ST14: variants seen among roughly 807,000 people sequenced by gnomAD.
ST14 encodes ST14 transmembrane serine protease matriptase, also known as suppressor of tumorigenicity 14 protein.
Under a neutral mutation model 96.5 loss-of-function variants are expected in ST14, and 40 were observed. The observed-to-expected ratio is 0.41, with a 90% CI of 0.32 to 0.54. The LOEUF (loss-of-function observed/expected upper bound fraction) is 0.54, where lower values mean the gene tolerates loss of function less well. Ranked by LOEUF, ST14 falls within the 20% of genes least tolerant of loss-of-function variation. ST14 has a pLI of 0.17. For synonymous variants in ST14, 506 were observed against 492.1 expected, an observed-to-expected ratio of 1.03 and a Z score of -0.37; for missense variants, 1,066 against 1,188.9, an observed-to-expected ratio of 0.90 and a Z score of 1.52.
chr11:130,191,338 C>A (rs914503017), intron 7 of ST14, among the ~76,000 whole-genome samples: 6 of 151,452 alleles, frequency 4.0e-5, no homozygotes, highest in African/African-American at 1.5e-4. Flanking sequence ...CCTCAGGCCA[C>A]ATGAGGAAAC....
intron 7 of ST14, among the ~76,000 whole-genome samples, chr11:130,191,748 A>G (rs916617973): frequency 1.3e-5 from 2 of 151,618 alleles, no homozygotes; most frequent in African/African-American, 4.8e-5. Flanking sequence ...GGCAAGACAA[A>G]TCAGGGTGAG....
intron 1 of ST14, among the ~76,000 whole-genome samples, chr11:130,171,569 T>C (rs1465907844): frequency 6.6e-6 from 1 of 152,330 alleles, no homozygotes; most frequent in East Asian, 1.9e-4. Context: ...TTCTGCAATA[T>C]TGGGGGGGTC....
At chr11:130,185,039 G>A (rs989842517) in intron 1 of ST14, among the ~76,000 whole-genome samples, 28 of 152,196 alleles carry the variant, frequency 1.8e-4, no homozygotes, top group African/African-American at 4.8e-4. Context: ...CCAAACAGCC[G>A]CCAGGAGCTT....
At position 130,188,568 on chromosome 11, in the gene ST14, A is replaced by G; in HGVS notation, c.280A>G (p.Met94Val). The G allele has an allele frequency of 1.2e-6, 2 of 1,614,232 alleles. No homozygotes were observed. The highest frequency in any genetic ancestry group is 3.3e-4 in the Middle Eastern group (2 of 6,062). The change falls in exon 3 of 19, where the codon ATG becomes GTG. Residue 94 changes from methionine (M) to valine (V), a missense_variant. Transcript: ENST00000278742. The surrounding 1 kb of genome is among the most constrained non-coding windows in gnomAD (Gnocchi z 5.4). ...TGTCCAGAAGGTCTTCAATGGCTACATGAGGATCACAAATGAGAATTTTGT... is the reference window on the plus strand; with the variant it reads ...TGTCCAGAAGGTCTTCAATGGCTACGTGAGGATCACAAATGAGAATTTTGT... ...VRVQKVFNGY[M>V]RITNENFVDA...
At chr11:130,176,745 A>G (rs538129026) in intron 1 of ST14, among the ~76,000 whole-genome samples, 1 of 142,704 alleles carries the variant, frequency 7.0e-6, no homozygotes, top group South Asian at 2.2e-4. Flanking sequence ...TCTGTGAGAT[A>G]CTTTGCATTA....
intron 16 of ST14, among the ~76,000 whole-genome samples, chr11:130,207,576 A>AAT (rs1190816548): frequency 2.6e-5 from 4 of 152,072 alleles, no homozygotes; most frequent in Non-Finnish European, 5.9e-5. Flanking sequence ...AATAAAATAA[A>AAT]AACCATGAAC....
chr11:130,173,819 C>T (rs1175490357), intron 1 of ST14, among the ~76,000 whole-genome samples: 1 of 152,054 alleles, frequency 6.6e-6, no homozygotes, highest in Non-Finnish European at 1.5e-5. Context: ...ACCCCTCTGT[C>T]CACTTTCTCT....
At chr11:130,207,127 T>G (rs1953497797) in intron 16 of ST14, among the ~76,000 whole-genome samples, 1 of 152,194 alleles carries the variant, frequency 6.6e-6, no homozygotes. Context: ...GCTTTATGCT[T>G]CCCATTAAGC....
chr11:130,182,652 CTTT>C (rs766643910), intron 1 of ST14, among the ~76,000 whole-genome samples: 1 of 137,376 alleles, frequency 7.3e-6, no homozygotes. Flanking sequence ...TGTTAAATAT[CTTT>C]TTTTTTTTTT....
intron 16 of ST14, among the ~76,000 whole-genome samples, chr11:130,204,689 G>A (rs1953468747): frequency 6.6e-6 from 1 of 151,632 alleles, no homozygotes. Context: ...GCATGCACCT[G>A]CACTCCCAGC....
At chr11:130,204,380 G>A in intron 16 of ST14, among the ~76,000 whole-genome samples, 1 of 152,184 alleles carries the variant, frequency 6.6e-6, no homozygotes, top group East Asian at 1.9e-4. Context: ...GGGACGCAAA[G>A]GATCTCACAA....
chr11:130,196,191 A>C (rs1036848531), intron 9 of ST14, 148 bp from the exon 10 acceptor site: 6 of 701,848 alleles, frequency 8.5e-6, no homozygotes, highest in Non-Finnish European at 1.5e-5. Flanking sequence ...ACAAACAAAC[A>C]AACACGCTGG....
intron 16 of ST14, among the ~76,000 whole-genome samples, chr11:130,201,810 T>A (rs141413294): frequency 6.6e-6 from 1 of 152,378 alleles, no homozygotes; most frequent in African/African-American, 2.4e-5. Context: ...CCTCCTAGGC[T>A]GAAGTGATCC....
Position 130,189,734 on chromosome 11 carries a change from C to T in ST14, c.441-5C>T. Reference sequence around the variant, plus strand: ...CTCCGCCTCAGGCTCCCGCTCTCTCCCCAGCGAGGGCAGCGTCATCGCCTA... The same window carrying T: ...CTCCGCCTCAGGCTCCCGCTCTCTCTCCAGCGAGGGCAGCGTCATCGCCTA... On this transcript the variant is annotated splice_polypyrimidine_tract_variant and splice_region_variant and intron_variant, in intron 4 of 18. Coordinates refer to ENST00000278742, the MANE Select transcript of ST14 (RefSeq NM_021978.4). The T allele has an allele frequency of 6.2e-7, 1 of 1,611,366 alleles. No individual in the cohort carries two copies. Among genetic ancestry groups the T allele is most frequent in the South Asian group, 1.1e-5 (1 of 91,086 alleles).
chr11:130,209,827 CCGGGGCCACCCAAATGTGTACACCTG>C lies in ST14; in HGVS notation c.*17_*42del, dbSNP rs557292089. On this transcript the variant is annotated 3_prime_UTR_variant, in exon 19 of 19. Coordinates refer to ENST00000278742, the MANE Select transcript of ST14 (RefSeq NM_021978.4). The stretch of plus-strand genomic sequence containing the variant: ...CAAAGAGAACACTGGGGTATAGGGG[CCGGGGCCACCCAAATGTGTACACCTG>C]CGGGGCCACCCATCGTCCACCCCAG... The C allele has an allele frequency of 1.2e-4, 198 of 1,613,470 alleles. No homozygotes were observed. The East Asian group carries it at 2.7e-3, about 22-fold the overall frequency.
intron 16 of ST14, among the ~76,000 whole-genome samples, chr11:130,205,671 A>G (rs947894064): frequency 1.4e-5 from 2 of 147,754 alleles, no homozygotes; most frequent in African/African-American, 5.0e-5. Flanking sequence ...ATGTCCTCCA[A>G]TCATGCCCAT....
At chr11:130,160,568 C>G (rs1057255137) in intron 1 of ST14, among the ~76,000 whole-genome samples, 1 of 152,162 alleles carries the variant, frequency 6.6e-6, no homozygotes, top group African/African-American at 2.4e-5. Flanking sequence ...GCCATACGGG[C>G]TGGAGCTAAG....
At chr11:130,198,905 G>T in intron 14 of ST14, 42 bp from the exon 15 acceptor site, 8 of 1,612,812 alleles carry the variant, frequency 5.0e-6, no homozygotes, top group Non-Finnish European at 6.8e-6. Context: ...GTCGGATGCT[G>T]CAGAGGAATT....
Position 130,177,995 on chromosome 11 carries a change from C to T in ST14, c.82-10119C>T, listed in dbSNP as rs540154110. ...GACTTCAATCACACAAGGCGCGAGCCGCATGGAGTTCCCAAAGAGACAGCT... is the reference window on the plus strand; with the variant it reads ...GACTTCAATCACACAAGGCGCGAGCTGCATGGAGTTCCCAAAGAGACAGCT... On this transcript the variant is annotated intron_variant, in intron 1 of 18. Coordinates refer to ENST00000278742, the MANE Select transcript of ST14 (RefSeq NM_021978.4). Among the ~76,000 whole-genome samples the T allele has an allele frequency of 1.6e-3, 239 of 152,320 alleles. 2 individuals carry two copies. Among genetic ancestry groups the T allele is most frequent in the Non-Finnish European group, 2.2e-3 (153 of 68,038 alleles).
Sources: allele counts gnomAD v4.1 joint callset (sites outside exome capture counted in the v4.1 genomes callset), GRCh38; gene constraint gnomAD v4.1.1; non-coding constraint Gnocchi (gnomAD v3.1); transcripts MANE v1.5; gene names NCBI Gene and HGNC (gene_info 2026-07-23, HGNC 2026-07-21).